The following WDR64 variants were observed in gnomAD, a reference collection of about 807,000 sequenced individuals.
The protein encoded by WDR64 is WD repeat domain 64.
WDR64 carries 112 observed loss-of-function variants against 139.3 expected under a neutral mutation model. The observed-to-expected ratio is 0.80, with a 90% CI of 0.69 to 0.94. The LOEUF is 0.94. Ranked by LOEUF, WDR64 falls within the 40% of genes least tolerant of loss-of-function variation. The probability of loss-of-function intolerance (pLI) is 0.00; values close to 1 mark genes in which losing one functional copy is unlikely to be tolerated. For synonymous variants in WDR64, 444 were observed against 437.7 expected, an observed-to-expected ratio of 1.01 and a Z score of -0.18; for missense variants, 1,206 against 1,293.1, an observed-to-expected ratio of 0.93 and a Z score of 1.03.
intron 2 of WDR64, among the ~76,000 whole-genome samples, chr1:241,664,967 C>T (rs1322778529): frequency 6.6e-6 from 1 of 152,014 alleles, no homozygotes; most frequent in Non-Finnish European, 1.5e-5. Context: ...GAGGCCAAGG[C>T]AGGAGGATTG....
chr1:241,689,696 A>C (rs1160516684), intron 8 of WDR64, among the ~76,000 whole-genome samples: 1 of 152,204 alleles, frequency 6.6e-6, no homozygotes, highest in East Asian at 1.9e-4. Flanking sequence ...ACTACAATTA[A>C]CAGGCTAAGG....
chr1:241,782,164 G>A (rs756264744), intron 22 of WDR64, among the ~76,000 whole-genome samples: 26 of 152,246 alleles, frequency 1.7e-4, no homozygotes, highest in Non-Finnish European at 3.1e-4. Context: ...GGCACGTGCC[G>A]GTAGTCACAG....
intron 8 of WDR64, 121 bp from the exon 9 acceptor site, chr1:241,711,680 TG>T (rs1668174388): frequency 1.1e-6 from 1 of 906,582 alleles, no homozygotes; most frequent in Non-Finnish European, 1.7e-6. Context: ...TAATACGGCC[TG>T]GGGGCAAATG....
intron 10 of WDR64, among the ~76,000 whole-genome samples, chr1:241,734,138 A>G (rs1669201607): frequency 1.3e-5 from 2 of 152,186 alleles, no homozygotes; most frequent in African/African-American, 4.8e-5. Flanking sequence ...AAGGCTCATC[A>G]GAAACTTAAA....
At chr1:241,750,262 C>A (rs1669929586) in intron 14 of WDR64, among the ~76,000 whole-genome samples, 2 of 152,180 alleles carry the variant, frequency 1.3e-5, no homozygotes, top group Non-Finnish European at 2.9e-5. Flanking sequence ...ATGCCCTCTT[C>A]AAATTTATAA....
intron 1 of WDR64, 107 bp downstream of exon 1, chr1:241,652,736 T>A (rs1475896538): frequency 3.7e-6 from 5 of 1,351,400 alleles, no homozygotes; most frequent in Non-Finnish European, 3.0e-6. Flanking sequence ...AAAGAATGGG[T>A]GCTGAAAGGG....
chr1:241,762,343 T>C (rs762788051), intron 15 of WDR64, among the ~76,000 whole-genome samples: 55 of 152,128 alleles, frequency 3.6e-4, no homozygotes, highest in Admixed American at 8.5e-4. Flanking sequence ...ATATGTTGAA[T>C]TCAACAACTT....
chr1:241,672,375 G>C (rs1466258386), intron 3 of WDR64, among the ~76,000 whole-genome samples: 1 of 152,320 alleles, frequency 6.6e-6, no homozygotes, highest in East Asian at 1.9e-4. Flanking sequence ...ACTGAGCTAA[G>C]GAGGGGCCCC....
chr1:241,766,114 G>T, intron 15 of WDR64, 104 bp from the exon 16 acceptor site: 3 of 1,031,536 alleles, frequency 2.9e-6, no homozygotes, highest in Non-Finnish European at 4.0e-6. Context: ...ATATAATAAG[G>T]CATTTTGTTT....
At chr1:241,719,247 T>C (rs559264845) in intron 9 of WDR64, among the ~76,000 whole-genome samples, 46 of 152,288 alleles carry the variant, frequency 3.0e-4, no homozygotes, top group African/African-American at 1.1e-3. Flanking sequence ...TGATTCATCA[T>C]CCCAACAATG....
intron 8 of WDR64, among the ~76,000 whole-genome samples, 156 bp from the exon 9 acceptor site, chr1:241,711,646 T>C (rs1259244236): frequency 6.6e-6 from 1 of 152,226 alleles, no homozygotes; most frequent in African/African-American, 2.4e-5. Flanking sequence ...TTCTTACTGT[T>C]AATTACGACT....
rs1017174137 is a variant in WDR64 at position 241,775,185 on chromosome 1, G to C, written c.2511G>C (p.Thr837=). 6.4e-7 allele frequency: 1 copy of C among 1,550,506 alleles called. No homozygotes were observed. The highest frequency in any genetic ancestry group is 1.2e-5 in the South Asian group (1 of 83,948). The change falls in exon 21 of 28, where the codon ACG becomes ACC. Residue 837 remains threonine, a synonymous_variant. Coordinates refer to ENST00000437684, the MANE Select transcript of WDR64 (RefSeq NM_001367482.1). ...SLTSLYTDSC[T]RILLAGNVEG... is the part of the protein sequence containing the mutation. Reference sequence around the variant, plus strand: ...CATCGCTGTATACTGATTCATGTACGAGGATACTACTGGCTGGAAATGTGG... The same window carrying C: ...CATCGCTGTATACTGATTCATGTACCAGGATACTACTGGCTGGAAATGTGG...
chr1:241,783,243 G>A (rs563801357), intron 22 of WDR64, 29 bp from the exon 23 acceptor site: 31 of 1,575,312 alleles, frequency 2.0e-5, no homozygotes, highest in Middle Eastern at 1.7e-4. Flanking sequence ...TAGTTATTCC[G>A]AGGAATATGC....
chr1:241,683,831 T>C, intron 7 of WDR64, 130 bp downstream of exon 7: 1 of 711,958 alleles, frequency 1.4e-6, no homozygotes, highest in Non-Finnish European at 2.2e-6. Flanking sequence ...ATTAAAGTAA[T>C]ATAAACAATT....
At chr1:241,716,804 G>A (rs893712528) in intron 9 of WDR64, among the ~76,000 whole-genome samples, 1 of 152,144 alleles carries the variant, frequency 6.6e-6, no homozygotes, top group South Asian at 2.1e-4. Context: ...AAAGCAAGCA[G>A]AGCTGGAGGA....
At chr1:241,716,033 A>G (rs1668389502) in intron 9 of WDR64, among the ~76,000 whole-genome samples, 1 of 152,206 alleles carries the variant, frequency 6.6e-6, no homozygotes, top group Non-Finnish European at 1.5e-5. Context: ...TTCATCATGC[A>G]TAATTTATTG....
chr1:241,652,973 T>C (rs1573977375), intron 1 of WDR64, among the ~76,000 whole-genome samples: 2 of 152,236 alleles, frequency 1.3e-5, no homozygotes, highest in Non-Finnish European at 2.9e-5. Context: ...CAGTAATGTA[T>C]AGCACTGCTT....
chr1:241,794,716 C>G (rs1659312340), intron 25 of WDR64, among the ~76,000 whole-genome samples: 1 of 151,900 alleles, frequency 6.6e-6, no homozygotes, highest in South Asian at 2.1e-4. Context: ...ACCATGTTGG[C>G]CAGGATGGTC....
intron 10 of WDR64, among the ~76,000 whole-genome samples, chr1:241,736,208 G>C (rs1669318246): frequency 6.6e-6 from 1 of 152,044 alleles, no homozygotes; most frequent in African/African-American, 2.4e-5. Flanking sequence ...CAAGCACCCA[G>C]GTCTCAGGCT....
Sources: allele counts gnomAD v4.1 joint callset (sites outside exome capture counted in the v4.1 genomes callset), GRCh38; gene constraint gnomAD v4.1.1; transcripts MANE v1.5; gene names NCBI Gene and HGNC (gene_info 2026-07-23, HGNC 2026-07-21).